ANTXR2: variants seen among roughly 807,000 people sequenced by gnomAD.
The protein encoded by ANTXR2 is anthrax toxin receptor 2.
ANTXR2 carries 44 observed loss-of-function variants against 73.7 expected under a neutral mutation model. The observed-to-expected ratio is 0.60, with a 90% CI of 0.47 to 0.77. The LOEUF (loss-of-function observed/expected upper bound fraction) is 0.77. ANTXR2 is among the 30% of genes least tolerant of loss of function. The pLI is 0.00. For missense variants in ANTXR2, 604 were observed against 592.5 expected (o/e 1.02, Z -0.20); for synonymous variants, 217 against 205.9 (o/e 1.05, Z -0.46).
chr4:79,984,981 A>G lies in ANTXR2; in HGVS notation c.1042-118T>C, dbSNP rs959935511. 6.6e-6 allele frequency: 5 copies of G among 756,238 alleles called. No homozygotes were observed. In the African/African-American group the frequency reaches 7.1e-5, roughly 11 times the overall value. The allele number at this position is 756,238 out of a possible 1,614,324, so 46.8% of individuals were successfully genotyped here. ...TAGCTCCAAAGAAGTCCCTCACTGA[A>G]GCTTGCCACCCAATATTTATGCCCC... On this transcript the variant is annotated intron_variant, in intron 12 of 16. Transcript: ENST00000403729.
intron 16 of ANTXR2, among the ~76,000 whole-genome samples, chr4:79,960,701 C>T (rs1467231785): frequency 6.6e-6 from 1 of 151,380 alleles, no homozygotes; most frequent in African/African-American, 2.4e-5. Flanking sequence ...TTTTATAACT[C>T]AAAATTATAT....
intron 12 of ANTXR2, among the ~76,000 whole-genome samples, chr4:80,005,722 C>T (rs970967121): frequency 6.6e-6 from 1 of 152,076 alleles, no homozygotes; most frequent in Non-Finnish European, 1.5e-5. Flanking sequence ...CAATATCTGT[C>T]ACTGCCTTTC....
At chr4:80,044,534 T>C (rs963508181) in intron 7 of ANTXR2, among the ~76,000 whole-genome samples, 1 of 151,936 alleles carries the variant, frequency 6.6e-6, no homozygotes, top group African/African-American at 2.4e-5. Context: ...GGAGATAAAA[T>C]CAAAATATTA....
chr4:80,038,483 G>A (rs939526709), intron 7 of ANTXR2, among the ~76,000 whole-genome samples: 5 of 151,962 alleles, frequency 3.3e-5, no homozygotes, highest in African/African-American at 1.2e-4. Flanking sequence ...CCCCTATAAG[G>A]TATTTTAATT....
At chr4:80,042,763 A>G (rs1733328752) in intron 7 of ANTXR2, among the ~76,000 whole-genome samples, 1 of 152,100 alleles carries the variant, frequency 6.6e-6, no homozygotes, top group Non-Finnish European at 1.5e-5. Flanking sequence ...AAATGCAAGC[A>G]GCATGAGGGA....
Position 79,952,255 on chromosome 4 carries a change from T to C in ANTXR2, c.1428+25366A>G, listed in dbSNP as rs567829092. Among the ~76,000 whole-genome samples, 6 of 151,392 alleles carry C rather than the reference T, an allele frequency of 4.0e-5. No individual in the cohort carries two copies. The East Asian group carries it at 5.8e-4, about 15-fold the overall frequency. ...TTCTAATTAGAATCCATCTTGACTATACAACTGGTTTTATCTTCTGTTTTT... is the reference window on the plus strand; with the variant it reads ...TTCTAATTAGAATCCATCTTGACTACACAACTGGTTTTATCTTCTGTTTTT... On this transcript the variant is annotated intron_variant, in intron 16 of 16. Coordinates refer to ENST00000403729, the MANE Select transcript of ANTXR2 (RefSeq NM_058172.6).
At chr4:79,956,358 A>G (rs1397971185) in intron 16 of ANTXR2, among the ~76,000 whole-genome samples, 1 of 152,106 alleles carries the variant, frequency 6.6e-6, no homozygotes, top group African/African-American at 2.4e-5. Context: ...TAATTGCCCT[A>G]AGTCAGTCAG....
At chr4:80,034,924 G>C (rs1243790931) in intron 8 of ANTXR2, among the ~76,000 whole-genome samples, 1 of 152,016 alleles carries the variant, frequency 6.6e-6, no homozygotes, top group East Asian at 1.9e-4. Flanking sequence ...AATGTGATTC[G>C]GTAAGAGTAT....
chr4:79,954,916 C>T lies in ANTXR2; in HGVS notation c.1428+22705G>A, dbSNP rs184769516. Among the ~76,000 whole-genome samples, 11 of 152,150 alleles carry T rather than the reference C, an allele frequency of 7.2e-5. No homozygotes were observed. The East Asian group carries it at 2.1e-3, about 29-fold the overall frequency. ...TGATTGATTTTCATTTAACATTTGT[C>T]CATTATTGTTAGGTCAAGTTGGAAA... On this transcript the variant is annotated intron_variant, in intron 16 of 16. Transcript: ENST00000403729.
chr4:80,023,458 T>C (rs1219945999), intron 10 of ANTXR2, among the ~76,000 whole-genome samples: 1 of 152,210 alleles, frequency 6.6e-6, no homozygotes, highest in Non-Finnish European at 1.5e-5. Context: ...AATTGGGCTG[T>C]ACTTGGTAAA....
At chr4:80,048,849 T>C (rs1304140943) in intron 7 of ANTXR2, among the ~76,000 whole-genome samples, 1 of 151,658 alleles carries the variant, frequency 6.6e-6, no homozygotes, top group Admixed American at 6.6e-5. Context: ...AAATGAAGCT[T>C]ATATCTCCAG....
At chr4:80,025,133 CAATT>C (rs1485474170) in intron 10 of ANTXR2, among the ~76,000 whole-genome samples, 1 of 152,142 alleles carries the variant, frequency 6.6e-6, no homozygotes, top group Non-Finnish European at 1.5e-5. Flanking sequence ...TGTCAACTGA[CAATT>C]AATAGTAATA....
At chr4:80,063,082 G>A (rs948314293) in intron 3 of ANTXR2, among the ~76,000 whole-genome samples, 1 of 152,204 alleles carries the variant, frequency 6.6e-6, no homozygotes, top group Non-Finnish European at 1.5e-5. Context: ...AGAAATAAAA[G>A]TGAATTGATA....
chr4:80,072,658 T>A lies in ANTXR2; in HGVS notation c.-98A>T. The A allele has an allele frequency of 7.5e-7, 1 of 1,338,036 alleles. No individual in the cohort carries two copies. Among genetic ancestry groups the A allele is most frequent in the Non-Finnish European group, 9.5e-7 (1 of 1,047,810 alleles). 82.9% of individuals were successfully genotyped at this position (1,338,036 alleles called of 1,614,324 possible). On this transcript the variant is annotated 5_prime_UTR_variant, in exon 1 of 17. Transcript: ENST00000403729. ...GAGTCACCCGGCACGCACTCTGGGG[T>A]GGGGGGCGGCGAGCAGCTGAGACGC...
chr4:79,952,475 T>C (rs1203017017), intron 16 of ANTXR2, among the ~76,000 whole-genome samples: 1 of 151,866 alleles, frequency 6.6e-6, no homozygotes, highest in African/African-American at 2.4e-5. Flanking sequence ...TTGTCTAATC[T>C]TACTAGAAAA....
intron 16 of ANTXR2, among the ~76,000 whole-genome samples, chr4:79,921,214 C>A (rs4591538): frequency 0.57 from 87,217 of 151,878 alleles, 25,362 homozygotes; most frequent in Non-Finnish European, 0.6. Context: ...ATTCATTTGC[C>A]TTATCAAGTT....
chr4:80,062,966 T>C (rs954611404), intron 3 of ANTXR2, among the ~76,000 whole-genome samples: 2 of 151,744 alleles, frequency 1.3e-5, no homozygotes, highest in Non-Finnish European at 2.9e-5. Flanking sequence ...CTCCTTCCTA[T>C]GCAATCATCA....
intron 16 of ANTXR2, among the ~76,000 whole-genome samples, chr4:79,975,373 C>T (rs573983697): frequency 6.6e-6 from 1 of 152,234 alleles, no homozygotes; most frequent in South Asian, 2.1e-4. Flanking sequence ...TTTGTTTCTA[C>T]CCTTTGATAT....
intron 3 of ANTXR2, among the ~76,000 whole-genome samples, chr4:80,067,721 G>A (rs1265378987): frequency 6.6e-6 from 1 of 152,044 alleles, no homozygotes; most frequent in African/African-American, 2.4e-5. Flanking sequence ...AAGTAAGGAG[G>A]GCCATTATCC....
Sources: allele counts gnomAD v4.1 joint callset (sites outside exome capture counted in the v4.1 genomes callset), GRCh38; gene constraint gnomAD v4.1.1; transcripts MANE v1.5; gene names NCBI Gene and HGNC (gene_info 2026-07-23, HGNC 2026-07-21).